DYNC2H1: variants seen among roughly 807,000 people sequenced by gnomAD.
DYNC2H1 encodes cytoplasmic dynein 2 heavy chain 1.
Under a neutral mutation model 570.0 loss-of-function variants are expected in DYNC2H1, and 410 were observed. The ratio of observed to expected loss-of-function variants is 0.72; its 90% confidence interval spans 0.66 to 0.78. The LOEUF (loss-of-function observed/expected upper bound fraction) is 0.78. Among genes scored for constraint, DYNC2H1 ranks in the 30% least tolerant of loss-of-function variants. DYNC2H1 has a pLI of 0.00. For synonymous variants in DYNC2H1, 1,688 were observed against 1,677.6 expected, an observed-to-expected ratio of 1.01 and a Z score of -0.15; for missense variants, 4,865 against 5,046.4, an observed-to-expected ratio of 0.96 and a Z score of 1.09.
In DYNC2H1 at chr11:103,290,682, CT is replaced by C. The variant is rs539304712; in HGVS notation, c.11095+3078del. Among the ~76,000 whole-genome samples, 969 of 152,228 alleles carry C rather than the reference CT, an allele frequency of 6.4e-3. 7 individuals carry two copies. The highest frequency in any genetic ancestry group is 0.051 in the Middle Eastern group (15 of 294). On this transcript the variant is annotated intron_variant, in intron 75 of 88. Transcript: ENST00000375735. ...TTTGTCTCTGTGTTTCTCTGCCCCC[CT>C]ACTCCTATCTCTCTGTTTCTCCCTT...
Position 103,326,595 on chromosome 11 carries a change from A to C in DYNC2H1, c.12039+2605A>C, listed in dbSNP as rs1041088626. Among the ~76,000 whole-genome samples, 2 of 152,016 alleles carry C rather than the reference A, an allele frequency of 1.3e-5. No individual in the cohort carries two copies. The highest frequency in any genetic ancestry group is 2.4e-5 in the African/African-American group (1 of 41,374). On this transcript the variant is annotated intron_variant, in intron 82 of 88. Transcript: ENST00000375735. This position sits in a 1 kb window ranked among gnomAD's most constrained non-coding sequence, Gnocchi z 6.1. The stretch of plus-strand genomic sequence containing the variant: ...GGAACAGCCCTTGGCTTGGGGTCAG[A>C]CTCTGGCAGCACTGGGGGATCTGAA...
intron 50 of DYNC2H1, among the ~76,000 whole-genome samples, chr11:103,200,559 A>G (rs1862678165): frequency 6.6e-6 from 1 of 152,198 alleles, no homozygotes. Flanking sequence ...GAAAATAGGT[A>G]GTATAATTTA....
rs548391517 is a variant in DYNC2H1 at position 103,271,691 on chromosome 11, T to C, written c.10696-8657T>C. Reference sequence around the variant, plus strand: ...ATCACCTTTTGTTAAGTGCCTTACATATACTGCCATTTAATGCTTACAACA... The same window carrying C: ...ATCACCTTTTGTTAAGTGCCTTACACATACTGCCATTTAATGCTTACAACA... On this transcript the variant is annotated intron_variant, in intron 70 of 88. Transcript: ENST00000375735. Among the ~76,000 whole-genome samples the C allele has an allele frequency of 2.0e-5, 3 of 152,338 alleles. No individual in the cohort carries two copies. The South Asian group carries it at 6.2e-4, about 32-fold the overall frequency.
At chr11:103,253,780 A>T (rs2135255864) in intron 66 of DYNC2H1, among the ~76,000 whole-genome samples, 1 of 152,294 alleles carries the variant, frequency 6.6e-6, no homozygotes, top group Admixed American at 6.5e-5. Flanking sequence ...CTGAAATTTA[A>T]TTGTGAAAAG....
At chr11:103,371,927 G>GTTTTTTTTTTTT (rs60335910) in intron 83 of DYNC2H1, among the ~76,000 whole-genome samples, 12 of 67,878 alleles carry the variant, frequency 1.8e-4, no homozygotes, top group East Asian at 5.0e-4. Context: ...TCCCATTTGG[G>GTTTTTTTTTTTT]TTTTTTTTTT....
chr11:103,154,451 T>C lies in DYNC2H1; in HGVS notation c.3303T>C (p.Val1101=), dbSNP rs757640058. The C allele has an allele frequency of 6.5e-7, 1 of 1,528,704 alleles. No individual in the cohort carries two copies. The highest frequency in any genetic ancestry group is 1.3e-5 in the South Asian group (1 of 77,688). 94.7% of individuals were successfully genotyped at this position (1,528,704 alleles called of 1,614,324 possible). A position where few individuals can be genotyped will look rare whatever the true frequency, so the allele number is the denominator to read the frequency against. Residue 1101 remains valine (V), a splice_region_variant and synonymous_variant, in exon 23 of 89, where the codon GTT becomes GTC. Coordinates refer to ENST00000375735, the MANE Select transcript of DYNC2H1 (RefSeq NM_001377.3). ...AATATTTCAATATTTGTTTCTATAG[T>C]GATGATTGCCATCATTTTAGACTGG... The part of the protein sequence containing the change: ...DDLEVTRKKL[V]DDCHHFRLEE...
intron 83 of DYNC2H1, among the ~76,000 whole-genome samples, chr11:103,384,438 A>G (rs1941794581): frequency 1.3e-5 from 2 of 152,108 alleles, no homozygotes; most frequent in Admixed American, 1.3e-4. Flanking sequence ...ATTATGCCTG[A>G]TCTATAACTG....
At chr11:103,370,330 A>AGATT (rs1941095256) in intron 83 of DYNC2H1, among the ~76,000 whole-genome samples, 2 of 152,318 alleles carry the variant, frequency 1.3e-5, no homozygotes, top group South Asian at 4.1e-4. Context: ...TAGAGTTCTA[A>AGATT]GATTTTTGCC....
intron 88 of DYNC2H1, among the ~76,000 whole-genome samples, chr11:103,470,544 G>T (rs1013190536): frequency 4.6e-5 from 7 of 152,084 alleles, no homozygotes; most frequent in Non-Finnish European, 8.8e-5. Context: ...TTAGCATTAG[G>T]TATATCTCCT....
chr11:103,237,709 A>G (rs899264250), intron 63 of DYNC2H1, among the ~76,000 whole-genome samples: 7 of 150,132 alleles, frequency 4.7e-5, no homozygotes, highest in Admixed American at 3.4e-4. Flanking sequence ...TCCTGTTTCA[A>G]TAATCCAAGA....
intron 84 of DYNC2H1, chr11:103,403,348 C>G (rs555640106): frequency 6.6e-6 from 1 of 151,788 alleles, no homozygotes; most frequent in Non-Finnish European, 1.5e-5. Context: ...GTAGTTTTAA[C>G]TGAATAATGT....
At chr11:103,117,556 A>C in intron 5 of DYNC2H1, 75 bp from the exon 6 acceptor site, 1 of 1,193,182 alleles carries the variant, frequency 8.4e-7, no homozygotes, top group Non-Finnish European at 1.1e-6. Context: ...AAATATTGTC[A>C]TAAGCATGTA....
chr11:103,394,743 A>G, intron 83 of DYNC2H1, among the ~76,000 whole-genome samples: 1 of 152,102 alleles, frequency 6.6e-6, no homozygotes, highest in East Asian at 1.9e-4. Flanking sequence ...TGCAAAAGTA[A>G]TTGCGATGTG....
intron 78 of DYNC2H1, 66 bp downstream of exon 78, chr11:103,307,897 A>G: frequency 1.1e-6 from 1 of 872,158 alleles, no homozygotes; most frequent in Non-Finnish European, 1.8e-6. Context: ...GACTTCTAAA[A>G]CTTTGTAAAC....
chr11:103,216,585 G>A (rs532962844), intron 55 of DYNC2H1, among the ~76,000 whole-genome samples: 314 of 152,200 alleles, frequency 2.1e-3, no homozygotes, highest in African/African-American at 7.1e-3. Context: ...GAGCCCATGA[G>A]TTTAAGGACC....
At chr11:103,432,501 T>C (rs564022213) in intron 84 of DYNC2H1, among the ~76,000 whole-genome samples, 1 of 152,278 alleles carries the variant, frequency 6.6e-6, no homozygotes, top group East Asian at 1.9e-4. Context: ...TGTTCGTTAG[T>C]AGTTCCTAGG....
rs1862098241 is a variant in DYNC2H1, at chr11:103,186,991, A to C, written c.6894-349A>C. ...TTTAAAAATTGTATAAAATCATAGT[A>C]ATTTTTTTAAACTCATGGAACTTAA... is the stretch of plus-strand genomic sequence containing the variant. On this transcript the variant is annotated intron_variant, in intron 42 of 88. Coordinates refer to ENST00000375735, the MANE Select transcript of DYNC2H1 (RefSeq NM_001377.3). This position sits in a 1 kb window ranked among gnomAD's most constrained non-coding sequence, Gnocchi z 4.5. Among the ~76,000 whole-genome samples, 1 of 151,950 alleles carries C rather than the reference A, an allele frequency of 6.6e-6. No individual in the cohort carries two copies. Among genetic ancestry groups the C allele is most frequent in the African/African-American group, 2.4e-5 (1 of 41,392 alleles).
At chr11:103,233,750 C>A (rs1864104228) in intron 60 of DYNC2H1, among the ~76,000 whole-genome samples, 1 of 151,280 alleles carries the variant, frequency 6.6e-6, no homozygotes, top group Admixed American at 6.6e-5. Flanking sequence ...GCCTTGAATG[C>A]CGTATTGGCA....
At chr11:103,336,520 C>CT (rs1939140155) in intron 82 of DYNC2H1, among the ~76,000 whole-genome samples, 1 of 150,116 alleles carries the variant, frequency 6.7e-6, no homozygotes, top group African/African-American at 2.4e-5. Flanking sequence ...ATGAGATCAA[C>CT]TTTTTTAGCT....
Sources: allele counts gnomAD v4.1 joint callset (sites outside exome capture counted in the v4.1 genomes callset), GRCh38; gene constraint gnomAD v4.1.1; non-coding constraint Gnocchi (gnomAD v3.1); transcripts MANE v1.5; gene names NCBI Gene and HGNC (gene_info 2026-07-23, HGNC 2026-07-21).